The following NCOA2 variants were observed in gnomAD, a reference collection of about 807,000 sequenced individuals.
The protein encoded by NCOA2 is nuclear receptor coactivator 2.
NCOA2 carries 21 observed loss-of-function variants against 145.1 expected under a neutral mutation model. The ratio of observed to expected loss-of-function variants is 0.14; its 90% CI spans 0.10 to 0.21. The LOEUF is 0.21. Ranked by LOEUF, NCOA2 falls within the 10% of genes least tolerant of loss-of-function variation. NCOA2 has a pLI of 1.00. For missense variants in NCOA2, 1,472 were observed against 1,837.6 expected (o/e 0.80, Z 3.64); for synonymous variants, 619 against 637.5 (o/e 0.97, Z 0.44).
At chr8:70,359,714 T>G (rs1303476858) in intron 1 of NCOA2, among the ~76,000 whole-genome samples, 1 of 152,180 alleles carries the variant, frequency 6.6e-6, no homozygotes, top group Non-Finnish European at 1.5e-5. Context: ...AAGTCTATAT[T>G]ATTAACTCAA....
At chr8:70,337,437 A>G (rs138689823) in intron 1 of NCOA2, among the ~76,000 whole-genome samples, 7 of 152,254 alleles carry the variant, frequency 4.6e-5, no homozygotes, top group Middle Eastern at 3.4e-3. Context: ...AAGGTCAAAA[A>G]TTCAGGAGGC....
At position 70,157,332 on chromosome 8, in the gene NCOA2, C is replaced by A. The variant is rs1361066409; in HGVS notation, c.1125-92G>T. 1.2e-5 allele frequency: 13 copies of A among 1,113,518 alleles called. No individual in the cohort carries two copies. In the East Asian group the frequency reaches 3.1e-4, roughly 27 times the overall value. The allele number at this position is 1,113,518 out of a possible 1,614,324, so 69.0% of individuals were successfully genotyped here. A position where few individuals can be genotyped will look rare whatever the true frequency, so the allele number is the denominator to read the frequency against. ...TTTAAAAATGATATGGCCTCTTCAC[C>A]TTAAAAGAACAGGCTACATTTTAAG... On this transcript the variant is annotated intron_variant, in intron 10 of 22. Coordinates refer to ENST00000452400, the MANE Select transcript of NCOA2 (RefSeq NM_006540.4).
chr8:70,131,565 G>A (rs375847793), intron 16 of NCOA2, among the ~76,000 whole-genome samples: 9 of 152,140 alleles, frequency 5.9e-5, no homozygotes, highest in South Asian at 2.1e-4. Context: ...CAGCAAGGGC[G>A]GACACCAGGT....
At chr8:70,412,960 T>C in the NCOA2 span, among the ~76,000 whole-genome samples, 8 of 151,902 alleles carry the variant, frequency 5.3e-5, no homozygotes, top group Non-Finnish European at 7.4e-5. Flanking sequence ...TAGCCAGGTG[T>C]GGTGGTGCAC....
chr8:70,252,355 G>A (rs979944023), intron 2 of NCOA2, among the ~76,000 whole-genome samples: 2 of 152,136 alleles, frequency 1.3e-5, no homozygotes, highest in African/African-American at 4.8e-5. Flanking sequence ...TCAGAGGATC[G>A]CTCGAGCCCA....
intron 1 of NCOA2, among the ~76,000 whole-genome samples, chr8:70,381,688 T>C (rs1248013465): frequency 6.6e-6 from 1 of 152,148 alleles, no homozygotes; most frequent in Non-Finnish European, 1.5e-5. Context: ...AGACTAAACC[T>C]GAGATAATGA....
chr8:70,232,495 C>T (rs545637644), intron 2 of NCOA2, among the ~76,000 whole-genome samples: 1 of 152,218 alleles, frequency 6.6e-6, no homozygotes, highest in East Asian at 1.9e-4. Context: ...CAGTAAATAC[C>T]CGTTCAATTT....
intron 1 of NCOA2, among the ~76,000 whole-genome samples, chr8:70,365,381 G>A (rs144687888): frequency 6.6e-6 from 1 of 151,968 alleles, no homozygotes; most frequent in Non-Finnish European, 1.5e-5. Flanking sequence ...AAAAAAACAG[G>A]TATGACAACC....
At chr8:70,244,058 GAATT>G (rs1295728264) in intron 2 of NCOA2, among the ~76,000 whole-genome samples, 1 of 151,998 alleles carries the variant, frequency 6.6e-6, no homozygotes. Context: ...AAGACAGCGA[GAATT>G]AATTGTTAAA....
chr8:70,278,413 G>C (rs1018397036), intron 2 of NCOA2, among the ~76,000 whole-genome samples: 1 of 152,154 alleles, frequency 6.6e-6, no homozygotes, highest in African/African-American at 2.4e-5. Flanking sequence ...CTACTAACTA[G>C]TTTATGGTAA....
chr8:70,125,785 T>G (rs1199761027), intron 19 of NCOA2, among the ~76,000 whole-genome samples: 1 of 152,276 alleles, frequency 6.6e-6, no homozygotes, highest in Non-Finnish European at 1.5e-5. Context: ...ATTCAATGTA[T>G]GCTTCTTGTT....
intron 1 of NCOA2, among the ~76,000 whole-genome samples, chr8:70,341,098 G>GAAAC (rs1808105645): frequency 9.7e-6 from 1 of 103,260 alleles, no homozygotes; most frequent in South Asian, 3.8e-4. Flanking sequence ...AAAAAAAAAA[G>GAAAC]AAACAAATAG....
At chr8:70,311,747 C>T (rs1182686359) in intron 1 of NCOA2, among the ~76,000 whole-genome samples, 1 of 152,166 alleles carries the variant, frequency 6.6e-6, no homozygotes, top group Non-Finnish European at 1.5e-5. Flanking sequence ...AATCACTTAA[C>T]ATTTCTAGTC....
the NCOA2 span, among the ~76,000 whole-genome samples, chr8:70,417,552 AAAACAAAC>A: frequency 8.2e-4 from 124 of 151,228 alleles, no homozygotes; most frequent in Middle Eastern, 6.8e-3. Context: ...TCTGTCTCAA[AAAACAAAC>A]AAACAAACAA....
chr8:70,295,457 G>C (rs1474011611), intron 2 of NCOA2, among the ~76,000 whole-genome samples: 2 of 152,084 alleles, frequency 1.3e-5, no homozygotes, highest in Admixed American at 6.5e-5. Context: ...CTTCAGGTTT[G>C]TTCTTTACTT....
intron 2 of NCOA2, among the ~76,000 whole-genome samples, chr8:70,260,626 G>C (rs535902197): frequency 6.6e-6 from 1 of 152,140 alleles, no homozygotes; most frequent in Non-Finnish European, 1.5e-5. Flanking sequence ...TCAACTTCTA[G>C]TGTTAACTAT....
At chr8:70,335,155 A>AAAAAAAAAAAAAAAT (rs774576238) in intron 1 of NCOA2, among the ~76,000 whole-genome samples, 2 of 115,386 alleles carry the variant, frequency 1.7e-5, no homozygotes, top group South Asian at 3.1e-4. Context: ...AAAAAAAAAG[A>AAAAAAAAAAAAAAAT]TCTCTCCCTA....
rs779449613 is a variant in NCOA2, at chr8:70,156,251, T to C, written c.2114A>G (p.Lys705Arg). The change falls in exon 11 of 23, where the codon AAG (lysine) becomes AGG (arginine). Residue 705 changes from lysine (K) to arginine (R), a missense_variant. Lys to Arg is a conservative substitution (Grantham distance 26). Around this residue, in one of 4 missense-constraint regions of NCOA2, gnomAD observed 953 missense variants for 1,062.1 expected, o/e 0.90. Transcript: ENST00000452400. ...QDSSSPVDLAKLTAEATGKDL... is the reference protein window; with the variant it reads ...QDSSSPVDLARLTAEATGKDL... Reference sequence around the variant, plus strand: ...TTTGCCTGTGGCTTCTGCTGTTAACTTGGCCAAGTCCACAGGGGAACTGCT... The same window carrying C: ...TTTGCCTGTGGCTTCTGCTGTTAACCTGGCCAAGTCCACAGGGGAACTGCT... 7 of 1,613,896 alleles carry C rather than the reference T, an allele frequency of 4.3e-6. No homozygotes were observed. Among genetic ancestry groups the C allele is most frequent in the African/African-American group, 1.3e-5 (1 of 74,928 alleles).
At chr8:70,228,231 C>T (rs1319893928) in intron 2 of NCOA2, among the ~76,000 whole-genome samples, 6 of 152,076 alleles carry the variant, frequency 3.9e-5, no homozygotes, top group African/African-American at 1.2e-4. Context: ...TGTAAGATCA[C>T]GATTTATATT....
Sources: gnomAD v4.1 joint callset for allele counts (sites outside exome capture counted in the v4.1 genomes callset) on GRCh38, gnomAD v4.1.1 for gene constraint, gnomAD v4.1.1 regional missense constraint, MANE v1.5 for transcripts, NCBI Gene and HGNC (gene_info 2026-07-23, HGNC 2026-07-21) for gene names.